The following INTS15 variants were observed in gnomAD, a reference collection of about 807,000 sequenced individuals.
INTS15 encodes integrator complex subunit 15, also known as uncharacterized protein C7orf26.
At chr7:6,594,974 C>A in the INTS15 span, among the ~76,000 whole-genome samples, 1 of 152,066 alleles carries the variant, frequency 6.6e-6, no homozygotes, top group Non-Finnish European at 1.5e-5. Context: ...GTGATCCACC[C>A]GCCTCGGCCT....
the INTS15 span, among the ~76,000 whole-genome samples, chr7:6,591,426 C>CT: frequency 0.074 from 11,238 of 151,804 alleles, 738 homozygotes; most frequent in African/African-American, 0.17. Flanking sequence ...GCCACCATGC[C>CT]GGCTAATTGT....
chr7:6,600,856 A>G, the INTS15 span, among the ~76,000 whole-genome samples: 6 of 152,162 alleles, frequency 3.9e-5, no homozygotes, highest in African/African-American at 7.2e-5. Context: ...CAGTTGCACT[A>G]TGTTGGCCAG....
the INTS15 span, among the ~76,000 whole-genome samples, chr7:6,591,127 C>T: frequency 6.6e-6 from 1 of 152,084 alleles, no homozygotes; most frequent in Non-Finnish European, 1.5e-5. Flanking sequence ...TGAGCCACAA[C>T]GCCTGGCCTA....
At chr7:6,596,914 G>A in the INTS15 span, among the ~76,000 whole-genome samples, 9 of 151,870 alleles carry the variant, frequency 5.9e-5, no homozygotes, top group African/African-American at 1.9e-4. Context: ...CTGTAGCTGG[G>A]ACTACAGGCG....
chr7:6,592,728 C>T, the INTS15 span, among the ~76,000 whole-genome samples: 2 of 151,772 alleles, frequency 1.3e-5, no homozygotes, highest in East Asian at 3.9e-4. Context: ...CCTACCTCAG[C>T]CCTCCAAGTA....
At chr7:6,590,508 C>CGCAG in the INTS15 span, 6 of 1,514,180 alleles carry the variant, frequency 4.0e-6, no homozygotes, top group Non-Finnish European at 5.3e-6. Flanking sequence ...TCCCGGGCCC[C>CGCAG]GCAGGCGGGC....
chr7:6,593,671 C>T, the INTS15 span, among the ~76,000 whole-genome samples: 100 of 132,020 alleles, frequency 7.6e-4, no homozygotes, highest in African/African-American at 2.7e-3. Flanking sequence ...TTTTTTGAGA[C>T]GGTCTTGCTC....
At chr7:6,606,893 G>A in the INTS15 span, among the ~76,000 whole-genome samples, 1 of 152,028 alleles carries the variant, frequency 6.6e-6, no homozygotes, top group African/African-American at 2.4e-5. Context: ...ATTTTCTGTG[G>A]AGATAGGGTC....
At chr7:6,597,953 G>A in the INTS15 span, among the ~76,000 whole-genome samples, 38 of 152,340 alleles carry the variant, frequency 2.5e-4, no homozygotes, top group African/African-American at 8.9e-4. Flanking sequence ...AGCTGAGAAC[G>A]TGGGACTCTA....
the INTS15 span, among the ~76,000 whole-genome samples, chr7:6,592,437 C>T: frequency 2.6e-5 from 4 of 151,506 alleles, no homozygotes; most frequent in South Asian, 6.3e-4. Flanking sequence ...CGTGGTAGCA[C>T]GCGCCTGTGG....
chr7:6,594,391 C>T, the INTS15 span: 1 of 1,607,610 alleles, frequency 6.2e-7, no homozygotes, highest in Non-Finnish European at 8.5e-7. Flanking sequence ...GGTCTACTCA[C>T]TCACGACATC....
chr7:6,600,348 G>C, the INTS15 span: 2 of 1,610,260 alleles, frequency 1.2e-6, no homozygotes, highest in Non-Finnish European at 1.7e-6. Flanking sequence ...GCTCTGCTGT[G>C]CACGAGAGGT....
chr7:6,592,603 T>TTTTTTC, the INTS15 span, among the ~76,000 whole-genome samples: 1 of 151,912 alleles, frequency 6.6e-6, no homozygotes, highest in African/African-American at 2.4e-5. Flanking sequence ...GGGTGTGTTT[T>TTTTTTC]TTTTTCTTTT....
the INTS15 span, chr7:6,600,325 C>G: frequency 1.4e-5 from 22 of 1,613,596 alleles, no homozygotes; most frequent in African/African-American, 2.9e-4. Context: ...TGCAGGTGGC[C>G]ATGGCCTCAG....
At chr7:6,590,165 G>C in the INTS15 span, 1 of 857,590 alleles carries the variant, frequency 1.2e-6, no homozygotes, top group Non-Finnish European at 1.6e-6. Flanking sequence ...GCGGGCAAGC[G>C]GGCGGGTGCC....
At chr7:6,599,988 G>C in the INTS15 span, 9 of 1,614,072 alleles carry the variant, frequency 5.6e-6, no homozygotes, top group Non-Finnish European at 7.6e-6. Context: ...ATCCGCTGGT[G>C]CGTGAAGGCA....
At chr7:6,602,073 C>T in the INTS15 span, 2 of 1,607,178 alleles carry the variant, frequency 1.2e-6, no homozygotes, top group Non-Finnish European at 1.7e-6. Flanking sequence ...CCAGTATGTT[C>T]ATTAATCTTG....
chr7:6,590,054 C>T, the INTS15 span: 1 of 263,356 alleles, frequency 3.8e-6, no homozygotes, highest in African/African-American at 2.3e-5. Context: ...GGCGGCAGCT[C>T]CCGGCGGCTC....
chr7:6,607,720 G>T, the INTS15 span: 7 of 1,514,522 alleles, frequency 4.6e-6, no homozygotes, highest in Non-Finnish European at 5.3e-6. The surrounding 1 kb of genome is among the most constrained non-coding windows in gnomAD (Gnocchi z 6.0). Flanking sequence ...GCCCGGGAGT[G>T]CTACGGCCGG....
Sources: allele counts gnomAD v4.1 joint callset (sites outside exome capture counted in the v4.1 genomes callset), GRCh38; gene constraint gnomAD v4.1.1; non-coding constraint Gnocchi (gnomAD v3.1); transcripts MANE v1.5; gene names NCBI Gene and HGNC (gene_info 2026-07-23, HGNC 2026-07-21).